Variants in PCDHA3 observed in about 807,000 individuals in gnomAD.
The protein encoded by PCDHA3 is protocadherin alpha 3.
Under a neutral mutation model 62.2 loss-of-function variants are expected in PCDHA3, and 41 were observed. The observed-to-expected ratio is 0.66, with a 90% confidence interval of 0.51 to 0.86. The LOEUF (loss-of-function observed/expected upper bound fraction) is 0.86, where lower values mean the gene tolerates loss of function less well. PCDHA3 is among the 40% of genes least tolerant of loss of function. The pLI is 0.00. For missense variants in PCDHA3, 1,304 were observed against 1,241.2 expected (o/e 1.05, Z -0.76); for synonymous variants, 640 against 555.4 (o/e 1.15, Z -2.14).
At chr5:140,858,713 G>A (rs1554151978) in intron 1 of PCDHA3, 3 of 521,676 alleles carry the variant, frequency 5.8e-6, no homozygotes, top group African/African-American at 3.9e-5. Context: ...TGTGATATAG[G>A]TTGCAGTTCT....
chr5:141,000,395 C>CTCTATAAATA (rs1213762225), intron 3 of PCDHA3, among the ~76,000 whole-genome samples: 2 of 53,986 alleles, frequency 3.7e-5, no homozygotes, highest in African/African-American at 1.5e-4. Flanking sequence ...CTCTCTCTCT[C>CTCTATAAATA]TATATATATA....
At chr5:141,000,419 ATATTTTTT>A (rs1194100555) in intron 3 of PCDHA3, among the ~76,000 whole-genome samples, 4 of 60,996 alleles carry the variant, frequency 6.6e-5, no homozygotes, top group African/African-American at 2.3e-4. Flanking sequence ...ATATATATAT[ATATTTTTT>A]TTTTTTTTTT....
chr5:140,809,124 G>A (rs147674000), intron 1 of PCDHA3: 7 of 1,613,980 alleles, frequency 4.3e-6, no homozygotes, highest in Admixed American at 1.7e-5. Flanking sequence ...CCGCGCCACC[G>A]CCTACTGGTA....
At position 140,801,337 on chromosome 5, in the gene PCDHA3, G is replaced by A. The variant is rs1554121401; in HGVS notation, c.140G>A (p.Arg47His). 1.2e-6 allele frequency: 2 copies of A among 1,613,124 alleles called. No homozygotes were observed. Among genetic ancestry groups the A allele is most frequent in the African/African-American group, 1.3e-5 (1 of 74,906 alleles). The change falls in exon 1 of 4, where the codon CGC becomes CAC. Residue 47 changes from arginine to histidine, a missense_variant. Coordinates refer to ENST00000522353, the MANE Select transcript of PCDHA3 (RefSeq NM_018906.3). ...GCCAAGCATGGCACCTTCGTGGGCCGCATCGCGCAGGACCTGGGGCTGGAG... is the reference window on the plus strand; with the variant it reads ...GCCAAGCATGGCACCTTCGTGGGCCACATCGCGCAGGACCTGGGGCTGGAG... ...EEAKHGTFVG[R>H]IAQDLGLELA... is the part of the protein sequence containing the mutation.
intron 1 of PCDHA3, among the ~76,000 whole-genome samples, chr5:140,915,121 A>G (rs982484419): frequency 1.1e-4 from 16 of 151,600 alleles, no homozygotes; most frequent in African/African-American, 3.9e-4. Flanking sequence ...CCTAATTTTT[A>G]TATTTTTAGT....
intron 1 of PCDHA3, chr5:140,829,518 C>T (rs782037599): frequency 1.9e-6 from 3 of 1,613,400 alleles, no homozygotes; most frequent in African/African-American, 2.7e-5. Flanking sequence ...CACATCTTCA[C>T]GGTGTCTGCG....
chr5:140,871,117 G>A (rs2052723130), intron 1 of PCDHA3: 1 of 1,613,286 alleles, frequency 6.2e-7, no homozygotes, highest in East Asian at 2.2e-5. Flanking sequence ...GGTGGAGAGC[G>A]GACAGGCGCC....
intron 1 of PCDHA3, among the ~76,000 whole-genome samples, chr5:140,965,377 A>T (rs1479954226): frequency 6.6e-6 from 1 of 152,190 alleles, no homozygotes; most frequent in African/African-American, 2.4e-5. Context: ...AAACTTGGGG[A>T]CACAGAAGAA....
At position 140,877,671 on chromosome 5, in the gene PCDHA3, G is replaced by T. The variant is rs138162923; in HGVS notation, c.2394+74080G>T. 2.5e-6 allele frequency: 4 copies of T among 1,613,620 alleles called. No individual in the cohort carries two copies. The South Asian group carries it at 3.3e-5, about 13-fold the overall frequency. On this transcript the variant is annotated intron_variant, in intron 1 of 3. Coordinates refer to ENST00000522353, the MANE Select transcript of PCDHA3 (RefSeq NM_018906.3). ...CGCCGCCCACCGTGAGCCGGTGCGC[G>T]CCGGGCAAGCCCACGCTGGTGTGCT...
chr5:140,915,252 GTTA>G (rs1291041483), intron 1 of PCDHA3, among the ~76,000 whole-genome samples: 2 of 152,012 alleles, frequency 1.3e-5, no homozygotes, highest in African/African-American at 4.8e-5. Flanking sequence ...TGGCCAGGTT[GTTA>G]TTATTTTTGA....
At chr5:141,009,482 C>T in intron 3 of PCDHA3, 145 bp from the exon 4 acceptor site, 1 of 1,446,086 alleles carries the variant, frequency 6.9e-7, no homozygotes, top group Non-Finnish European at 9.1e-7. Flanking sequence ...TAAACACTTG[C>T]CTTGCCCTCA....
chr5:140,813,382 T>C (rs1218287090), intron 1 of PCDHA3: 1 of 152,178 alleles, frequency 6.6e-6, no homozygotes, highest in African/African-American at 2.4e-5. Context: ...GGTTACATGA[T>C]CTATTGCTTC....
rs557129583 is a variant in PCDHA3 at position 140,853,604 on chromosome 5, G to A, written c.2394+50013G>A. The A allele has an allele frequency of 2.1e-4, 212 of 987,262 alleles. 18 individuals are homozygous for A. Among genetic ancestry groups the A allele is most frequent in the Non-Finnish European group, 2.2e-4 (180 of 819,618 alleles). 61.2% of individuals were successfully genotyped at this position (987,262 alleles called of 1,614,324 possible). A position where few individuals can be genotyped will look rare whatever the true frequency, so the allele number is the denominator to read the frequency against. ...ATCTTAGACACTTTGAGAGCAAAGG[G>A]GGTGCTGTAAATAAGTATACAAGAT... On this transcript the variant is annotated intron_variant, in intron 1 of 3. Coordinates refer to ENST00000522353, the MANE Select transcript of PCDHA3 (RefSeq NM_018906.3).
At chr5:140,913,749 G>T (rs1166280044) in intron 1 of PCDHA3, among the ~76,000 whole-genome samples, 22 of 152,098 alleles carry the variant, frequency 1.4e-4, no homozygotes, top group Middle Eastern at 3.4e-3. Context: ...TCCTTTTGTT[G>T]TATCTCATAG....
intron 1 of PCDHA3, among the ~76,000 whole-genome samples, chr5:140,894,823 A>G (rs933081275): frequency 2.0e-5 from 3 of 152,080 alleles, no homozygotes; most frequent in Non-Finnish European, 2.9e-5. Context: ...AGATTTGCCC[A>G]TAATCCTTTT....
intron 1 of PCDHA3, chr5:140,882,621 AT>A (rs1447184799): frequency 1.2e-6 from 2 of 1,614,094 alleles, no homozygotes; most frequent in Non-Finnish European, 1.7e-6. Flanking sequence ...CAGGTTTTCC[AT>A]GTGGAGGTGA....
At chr5:140,824,119 A>G (rs1343333286) in intron 1 of PCDHA3, 1 of 1,613,878 alleles carries the variant, frequency 6.2e-7, no homozygotes, top group Non-Finnish European at 8.5e-7. Flanking sequence ...TCCCACCTCT[A>G]CAGACAACGT....
intron 1 of PCDHA3, chr5:140,808,457 G>A (rs1554124562): frequency 6.2e-7 from 1 of 1,614,204 alleles, no homozygotes; most frequent in East Asian, 2.2e-5. Context: ...CTATGAGCTG[G>A]TGGTGACCGC....
chr5:140,982,506 C>G lies in PCDHA3; in HGVS notation c.2485C>G (p.Arg829Gly). The change falls in exon 3 of 4, where the codon CGG (arginine) becomes GGG (glycine). Residue 829 changes from arginine to glycine, a missense_variant. Transcript: ENST00000522353. ...SVHLEEAGIL[R>G]AGPGGPDQQW... Reference sequence around the variant, plus strand: ...GCACCTAGAGGAGGCTGGCATTCTACGGGCTGGTCCAGGAGGGCCTGATCA... The same window carrying G: ...GCACCTAGAGGAGGCTGGCATTCTAGGGGCTGGTCCAGGAGGGCCTGATCA... 6.2e-7 allele frequency: 1 copy of G among 1,614,162 alleles called. No homozygotes were observed. Among genetic ancestry groups the G allele is most frequent in the Non-Finnish European group, 8.5e-7 (1 of 1,180,032 alleles).
Sources: allele counts gnomAD v4.1 joint callset (sites outside exome capture counted in the v4.1 genomes callset), GRCh38; gene constraint gnomAD v4.1.1; transcripts MANE v1.5; gene names NCBI Gene and HGNC (gene_info 2026-07-23, HGNC 2026-07-21).